IGF2BP2: variants seen among roughly 807,000 people sequenced by gnomAD.
IGF2BP2 encodes insulin-like growth factor 2 mRNA-binding protein 2.
Under a neutral mutation model 75.8 loss-of-function variants are expected in IGF2BP2, and 17 were observed. That is an observed-to-expected ratio of 0.22 (90% CI 0.15 to 0.34). IGF2BP2 has a LOEUF of 0.34. IGF2BP2 is among the 10% of genes least tolerant of loss of function. The probability of loss-of-function intolerance (pLI) is 1.00; values close to 1 mark genes in which losing one functional copy is unlikely to be tolerated. For synonymous variants in IGF2BP2, 288 were observed against 295.6 expected, an observed-to-expected ratio of 0.97 and a Z score of 0.26; for missense variants, 516 against 772.4, an observed-to-expected ratio of 0.67 and a Z score of 3.93.
Position 185,735,144 on chromosome 3 carries a change from AT to A in IGF2BP2, c.240-36798del, listed in dbSNP as rs1210706558. Among the ~76,000 whole-genome samples the A allele has an allele frequency of 5.1e-3, 724 of 142,388 alleles. 3 individuals are homozygous for A. The highest frequency in any genetic ancestry group is 0.018 in the African/African-American group (686 of 38,284). The allele number at this position is 142,388 out of a possible 152,430, so 93.4% of individuals were successfully genotyped here. A position where few individuals can be genotyped will look rare whatever the true frequency, so the allele number is the denominator to read the frequency against. ...TATCAATGCTTGAAAATACATTTAA[AT>A]CCTTTTTTTTTTTTTTTTGAGACCA... is the stretch of plus-strand genomic sequence containing the variant. On this transcript the variant is annotated intron_variant, in intron 2 of 15. Coordinates refer to ENST00000382199, the MANE Select transcript of IGF2BP2 (RefSeq NM_006548.6).
chr3:185,795,217 G>A (rs1331758113), intron 2 of IGF2BP2, among the ~76,000 whole-genome samples: 2 of 152,118 alleles, frequency 1.3e-5, no homozygotes, highest in Non-Finnish European at 2.9e-5. Flanking sequence ...TTCTATAAGT[G>A]GGATCATATA....
intron 2 of IGF2BP2, among the ~76,000 whole-genome samples, chr3:185,790,710 T>C (rs770305545): frequency 2.0e-5 from 3 of 152,202 alleles, no homozygotes; most frequent in Admixed American, 6.5e-5. Context: ...AGTATGCATC[T>C]GAATTAGTCA....
At chr3:185,716,722 C>A (rs371863078) in intron 2 of IGF2BP2, 13 of 519,938 alleles carry the variant, frequency 2.5e-5, no homozygotes, top group Admixed American at 5.8e-5. Flanking sequence ...AGGAAGCCAA[C>A]CCTGTCAGCG....
intron 2 of IGF2BP2, among the ~76,000 whole-genome samples, chr3:185,761,018 G>A (rs1732287654): frequency 6.6e-6 from 1 of 151,428 alleles, no homozygotes; most frequent in Admixed American, 6.6e-5. Flanking sequence ...TTTGAGGGGG[G>A]GAACCAGTAA....
intron 12 of IGF2BP2, among the ~76,000 whole-genome samples, chr3:185,653,755 C>T (rs771862181): frequency 6.6e-6 from 1 of 152,142 alleles, no homozygotes; most frequent in Non-Finnish European, 1.5e-5. Flanking sequence ...AAGCTAAGAG[C>T]AAATACGAAA....
rs375695679 is a variant in IGF2BP2, at chr3:185,823,203, T to C, written c.189A>G (p.Glu63=). 1.2e-5 allele frequency: 20 copies of C among 1,610,152 alleles called. No homozygotes were observed. In the East Asian group the frequency reaches 1.3e-4, roughly 11 times the overall value. Reference sequence around the variant, plus strand: ...CAACTTCCATGATTTTCCCATGCAATTCCACTTTACCTTTAAAACAGAAAT... The same window carrying C: ...CAACTTCCATGATTTTCCCATGCAACTCCACTTTACCTTTAAAACAGAAAT... ...RAIETLSGKV[E]LHGKIMEVDY... The change falls in exon 2 of 16, where the codon GAA becomes GAG. Residue 63 remains glutamate (E), a synonymous_variant. Coordinates refer to ENST00000382199, the MANE Select transcript of IGF2BP2 (RefSeq NM_006548.6).
intron 2 of IGF2BP2, chr3:185,716,850 C>T (rs529089393): frequency 5.9e-6 from 3 of 505,992 alleles, no homozygotes; most frequent in South Asian, 2.9e-5. Flanking sequence ...ATCAGAGCTC[C>T]GACAGCCCTT....
At chr3:185,816,187 G>A (rs773108279) in intron 2 of IGF2BP2, among the ~76,000 whole-genome samples, 35 of 152,200 alleles carry the variant, frequency 2.3e-4, no homozygotes, top group Admixed American at 3.9e-4. Flanking sequence ...GTGACAGTTC[G>A]CTGTCTAATC....
rs1020835807 is a variant in IGF2BP2 at position 185,647,273 on chromosome 3, C to T, written c.1594-135G>A. 22 of 679,622 alleles carry T rather than the reference C, an allele frequency of 3.2e-5. No individual in the cohort carries two copies. Among genetic ancestry groups the T allele is most frequent in the Non-Finnish European group, 4.8e-5 (18 of 376,884 alleles). 42.1% of individuals were successfully genotyped at this position (679,622 alleles called of 1,614,324 possible). On this transcript the variant is annotated intron_variant, in intron 14 of 15. Transcript: ENST00000382199. The surrounding 1 kb of genome is among the most constrained non-coding windows in gnomAD (Gnocchi z 4.9). ...GGACTCTGCTCTCCTTTCCTTTTAT[C>T]AAGGACACCCCGGGGGCTCCTCTGC...
chr3:185,679,557 T>C (rs1560280672), intron 7 of IGF2BP2, among the ~76,000 whole-genome samples: 1 of 152,200 alleles, frequency 6.6e-6, no homozygotes, highest in Non-Finnish European at 1.5e-5. Flanking sequence ...TATATTTTCA[T>C]ATGGCTTTGT....
intron 3 of IGF2BP2, among the ~76,000 whole-genome samples, chr3:185,697,001 T>C (rs1722669607): frequency 6.6e-6 from 1 of 152,236 alleles, no homozygotes; most frequent in African/African-American, 2.4e-5. Context: ...CTCACTCCAC[T>C]TTCTTGAAAT....
At chr3:185,686,552 C>T (rs1721162718) in intron 7 of IGF2BP2, among the ~76,000 whole-genome samples, 1 of 151,906 alleles carries the variant, frequency 6.6e-6, no homozygotes, top group African/African-American at 2.4e-5. Flanking sequence ...AAATCTTTTC[C>T]AGGACAATAA....
intron 2 of IGF2BP2, among the ~76,000 whole-genome samples, chr3:185,815,583 C>G (rs1305925330): frequency 6.6e-6 from 1 of 152,158 alleles, no homozygotes; most frequent in Non-Finnish European, 1.5e-5. Context: ...AGTCCAGTGC[C>G]TAGCACGTAG....
At chr3:185,680,584 A>T (rs979151232) in intron 7 of IGF2BP2, among the ~76,000 whole-genome samples, 2 of 152,348 alleles carry the variant, frequency 1.3e-5, no homozygotes, top group Admixed American at 1.3e-4. Context: ...AATTCAGCAT[A>T]TGAAAAGGAT....
intron 2 of IGF2BP2, among the ~76,000 whole-genome samples, chr3:185,776,798 T>C (rs1033428505): frequency 1.3e-5 from 2 of 152,242 alleles, no homozygotes; most frequent in Non-Finnish European, 2.9e-5. Context: ...TTCATCTTCA[T>C]CGGTCTTGTC....
chr3:185,667,037 A>G (rs922889223), intron 10 of IGF2BP2, among the ~76,000 whole-genome samples: 1 of 152,240 alleles, frequency 6.6e-6, no homozygotes, highest in African/African-American at 2.4e-5. Context: ...AGTATAAAAC[A>G]CACAGAATCT....
chr3:185,764,713 G>T (rs1281646280), intron 2 of IGF2BP2, among the ~76,000 whole-genome samples: 1 of 152,196 alleles, frequency 6.6e-6, no homozygotes, highest in African/African-American at 2.4e-5. Context: ...ATTATATTAC[G>T]ATAAAACAGC....
Position 185,798,888 on chromosome 3 carries a change from C to T in IGF2BP2, c.239+24265G>A, listed in dbSNP as rs77718537. Reference sequence around the variant, plus strand: ...GGCTCCCAGGCTCAAGCAACCCTCCCACCTTAGCCTTACAAGTAGCTGAGA... The same window carrying T: ...GGCTCCCAGGCTCAAGCAACCCTCCTACCTTAGCCTTACAAGTAGCTGAGA... On this transcript the variant is annotated intron_variant, in intron 2 of 15. Coordinates refer to ENST00000382199, the MANE Select transcript of IGF2BP2 (RefSeq NM_006548.6). Among the ~76,000 whole-genome samples, 519 of 151,554 alleles carry T rather than the reference C, an allele frequency of 3.4e-3. 1 individual carries two copies. The highest frequency in any genetic ancestry group is 0.012 in the African/African-American group (500 of 41,270).
chr3:185,690,027 T>C (rs181831845), intron 5 of IGF2BP2, among the ~76,000 whole-genome samples: 1 of 151,120 alleles, frequency 6.6e-6, no homozygotes, highest in Non-Finnish European at 1.5e-5. Flanking sequence ...TCCCATTTAA[T>C]AGGTGCCTAT....
Sources: allele counts gnomAD v4.1 joint callset (sites outside exome capture counted in the v4.1 genomes callset), GRCh38; gene constraint gnomAD v4.1.1; non-coding constraint Gnocchi (gnomAD v3.1); transcripts MANE v1.5; gene names NCBI Gene and HGNC (gene_info 2026-07-23, HGNC 2026-07-21).